The following FCHO1 variants were observed in gnomAD, a reference collection of about 807,000 sequenced individuals.
FCHO1 encodes FCH and mu domain containing endocytic adaptor 1.
A neutral mutation model predicts 114.4 loss-of-function variants in FCHO1; 45 were observed. The ratio of observed to expected loss-of-function variants is 0.39; its 90% CI spans 0.31 to 0.50. The LOEUF is 0.50. Ranked by LOEUF, FCHO1 falls within the 20% of genes least tolerant of loss-of-function variation. The probability of loss-of-function intolerance (pLI) is 0.77; values close to 1 mark genes in which losing one functional copy is unlikely to be tolerated. For missense variants in FCHO1, 1,042 were observed against 1,209.6 expected, an observed-to-expected ratio of 0.86 and a Z score of 2.06; for synonymous variants, 480 against 488.9, an observed-to-expected ratio of 0.98 and a Z score of 0.24.
intron 20 of FCHO1, among the ~76,000 whole-genome samples, chr19:17,779,621 CAAGG>C (rs1386848832): frequency 4.3e-5 from 4 of 92,242 alleles, no homozygotes; most frequent in Admixed American, 1.2e-4. Flanking sequence ...GGAGCGGAGT[CAAGG>C]GAGGGAGGAG....
At chr19:17,772,308 A>G (rs1423887151) in intron 9 of FCHO1, 149 bp from the exon 10 acceptor site, 2 of 639,412 alleles carry the variant, frequency 3.1e-6, no homozygotes, top group East Asian at 2.8e-5. Context: ...AGAGTCAATG[A>G]AAGTCCTAGG....
chr19:17,756,665 A>T (rs368949590), intron 4 of FCHO1, among the ~76,000 whole-genome samples: 2 of 151,698 alleles, frequency 1.3e-5, no homozygotes, highest in East Asian at 1.9e-4. Context: ...CACCCCATGC[A>T]CCCCACACAC....
At chr19:17,769,522 T>A (rs113242660) in intron 7 of FCHO1, among the ~76,000 whole-genome samples, 11 of 149,782 alleles carry the variant, frequency 7.3e-5, no homozygotes, top group African/African-American at 2.2e-4. Flanking sequence ...GAGCTTGCAG[T>A]GAGCCAAGAT....
chr19:17,779,722 AAGG>A (rs2093163906), intron 20 of FCHO1, among the ~76,000 whole-genome samples: 1 of 50,632 alleles, frequency 2.0e-5, no homozygotes, highest in Non-Finnish European at 4.7e-5. Flanking sequence ...GGGCGGAGAC[AAGG>A]GAGGGAGGAG....
rs1457819594 is a variant in FCHO1 at position 17,772,669 on chromosome 19, A to G, written c.718A>G (p.Ile240Val). 6.2e-7 allele frequency: 1 copy of G among 1,614,140 alleles called. No individual in the cohort carries two copies. Among genetic ancestry groups the G allele is most frequent in the Non-Finnish European group, 8.5e-7 (1 of 1,180,012 alleles). ...GQVHEEFKQNIENVSVEMLLR... is the reference protein window; with the variant it reads ...GQVHEEFKQNVENVSVEMLLR... ...GGTGCATGAGGAATTTAAGCAGAAC[A>G]TCGAGAACGTCAGCGTGGAGATGCT... The change falls in exon 11 of 29, where the codon ATC becomes GTC. Residue 240 changes from isoleucine (I) to valine (V), a missense_variant. Coordinates refer to ENST00000596536, the MANE Select transcript of FCHO1 (RefSeq NM_015122.3).
At position 17,775,001 on chromosome 19, in the gene FCHO1, G is replaced by A. The variant is rs1168547840; in HGVS notation, c.921-55G>A. 2.6e-5 allele frequency: 42 copies of A among 1,605,228 alleles called. No individual in the cohort carries two copies. The highest frequency in any genetic ancestry group is 3.2e-5 in the Non-Finnish European group (38 of 1,172,618). ...CATGTCCAGTGTTGGGGGCTGACAGGGGGCACCAGATGGGCTGCGGAAGCT... is the reference window on the plus strand; with the variant it reads ...CATGTCCAGTGTTGGGGGCTGACAGAGGGCACCAGATGGGCTGCGGAAGCT... On this transcript the variant is annotated intron_variant, in intron 13 of 28. Transcript: ENST00000596536. The surrounding 1 kb of genome is among the most constrained non-coding windows in gnomAD (Gnocchi z 5.1).
At chr19:17,764,065 A>T (rs1262984225) in intron 5 of FCHO1, among the ~76,000 whole-genome samples, 2 of 142,296 alleles carry the variant, frequency 1.4e-5, no homozygotes, top group Non-Finnish European at 3.0e-5. Flanking sequence ...TTTGCGATGG[A>T]GTCTTGCTTT....
At chr19:17,781,633 G>T in intron 22 of FCHO1, 79 bp from the exon 23 acceptor site, 3 of 1,549,256 alleles carry the variant, frequency 1.9e-6, no homozygotes, top group Non-Finnish European at 2.7e-6. Context: ...GGTGTGGTTG[G>T]GCGGAGGGAG....
Position 17,764,356 on chromosome 19 carries a change from A to G in FCHO1, c.120-19A>G. 1 of 1,612,316 alleles carries G rather than the reference A, an allele frequency of 6.2e-7. No homozygotes were observed. Among genetic ancestry groups the G allele is most frequent in the Non-Finnish European group, 8.5e-7 (1 of 1,179,020 alleles). On this transcript the variant is annotated intron_variant, in intron 5 of 28. Transcript: ENST00000596536. ...GCGCCCGGGCAGTTTCTCCATCTTT[A>G]CCTCATTCTCCTCCCCAGGGCCACC... is the stretch of plus-strand genomic sequence containing the variant.
chr19:17,767,978 C>T (rs1441617576), intron 7 of FCHO1, among the ~76,000 whole-genome samples: 1 of 152,218 alleles, frequency 6.6e-6, no homozygotes, highest in Admixed American at 6.5e-5. Flanking sequence ...ATTGTAGAAT[C>T]ATAGATGCAT....
chr19:17,773,903 CTT>C (rs58272005), intron 11 of FCHO1, among the ~76,000 whole-genome samples: 64,234 of 132,406 alleles, frequency 0.49, 14,753 homozygotes, highest in East Asian at 0.71. Context: ...CTCTCTCTCT[CTT>C]TTTTTTTTTT....
intron 4 of FCHO1, among the ~76,000 whole-genome samples, chr19:17,759,379 C>T (rs773424637): frequency 7.9e-5 from 12 of 151,684 alleles, no homozygotes; most frequent in Non-Finnish European, 1.0e-4. Flanking sequence ...CCCACTGCCA[C>T]GTCTGGCTAA....
intron 27 of FCHO1, among the ~76,000 whole-genome samples, chr19:17,787,341 T>G (rs1599818873): frequency 7.0e-6 from 1 of 143,096 alleles, no homozygotes; most frequent in Non-Finnish European, 1.5e-5. Flanking sequence ...AGCCCAGGAG[T>G]TAGAGGCTGC....
At chr19:17,755,468 G>A (rs1034311232) in intron 4 of FCHO1, 21 of 322,206 alleles carry the variant, frequency 6.5e-5, no homozygotes, top group Non-Finnish European at 1.0e-4. Context: ...CCATGAAAAA[G>A]TGCAGAGTCA....
rs2082150633 is a variant in FCHO1, at chr19:17,752,252, GTA to G, written c.-183+677_-183+678del. On this transcript the variant is annotated intron_variant, in intron 1 of 28. Transcript: ENST00000596536. Reference sequence around the variant, plus strand: ...TGTATGTATGTATGTATGTATGTATGTATGTATTTAATTATTATTTTTTTAAG... The same window carrying G: ...TGTATGTATGTATGTATGTATGTATGTGTATTTAATTATTATTTTTTTAAG... 3 of 150,636 alleles carry G rather than the reference GTA, an allele frequency of 2.0e-5. No individual in the cohort carries two copies. The East Asian group carries it at 5.8e-4, about 29-fold the overall frequency. 9.3% of individuals were successfully genotyped at this position (150,636 alleles called of 1,614,324 possible).
Position 17,772,516 on chromosome 19 carries a change from T to C in FCHO1, c.654T>C (p.Tyr218=). ...LRHMKALLGS[Y]AHSVEDTHVQ... ...ACATGAAGGCACTGCTGGGCTCATA[T>C]GCTCACTCGGTGGAGGACACGCACG... The change falls in exon 10 of 29, where the codon TAT becomes TAC. Residue 218 remains tyrosine (Y), a synonymous_variant. Coordinates refer to ENST00000596536, the MANE Select transcript of FCHO1 (RefSeq NM_015122.3). 10 of 1,614,094 alleles carry C rather than the reference T, an allele frequency of 6.2e-6. No individual in the cohort carries two copies. The highest frequency in any genetic ancestry group is 8.5e-6 in the Non-Finnish European group (10 of 1,180,006).
intron 20 of FCHO1, among the ~76,000 whole-genome samples, chr19:17,779,297 C>T (rs1371441112): frequency 1.3e-5 from 2 of 152,080 alleles, no homozygotes; most frequent in East Asian, 3.9e-4. Context: ...CCAGGAAGGG[C>T]CTGATGGGCC....
At chr19:17,786,461 A>G (rs564009724) in intron 26 of FCHO1, 113 bp from the exon 27 acceptor site, 9 of 1,011,992 alleles carry the variant, frequency 8.9e-6, no homozygotes, top group Non-Finnish European at 1.3e-5. Flanking sequence ...AATTGAGGTG[A>G]AGTGGGGGAG....
At chr19:17,764,784 G>A (rs2088066530) in intron 6 of FCHO1, among the ~76,000 whole-genome samples, 1 of 150,006 alleles carries the variant, frequency 6.7e-6, no homozygotes, top group South Asian at 2.1e-4. Flanking sequence ...CTGGGAAGGG[G>A]GCCAGGTGCG....
Sources: gnomAD v4.1 joint callset for allele counts (sites outside exome capture counted in the v4.1 genomes callset) on GRCh38, gnomAD v4.1.1 for gene constraint, Gnocchi (gnomAD v3.1) non-coding constraint, MANE v1.5 for transcripts, NCBI Gene and HGNC (gene_info 2026-07-23, HGNC 2026-07-21) for gene names.